CDC27: variants seen among roughly 807,000 people sequenced by gnomAD.
CDC27 encodes cell division cycle protein 27 homolog.
Under a neutral mutation model 109.7 loss-of-function variants are expected in CDC27, and 27 were observed. The ratio of observed to expected loss-of-function variants is 0.25; its 90% CI spans 0.18 to 0.34. The LOEUF (loss-of-function observed/expected upper bound fraction) is 0.34, where lower values mean the gene tolerates loss of function less well. Among genes scored for constraint, CDC27 ranks in the 10% least tolerant of loss-of-function variants. The pLI is 1.00. For missense variants in CDC27, 579 were observed against 960.2 expected (o/e 0.60, Z 5.25); for synonymous variants, 266 against 333.9 (o/e 0.80, Z 2.22).
chr17:47,133,052 C>CACACATACAT (rs1266681276), intron 14 of CDC27, among the ~76,000 whole-genome samples: 1 of 70,686 alleles, frequency 1.4e-5, no homozygotes, highest in Non-Finnish European at 2.7e-5. Flanking sequence ...CACACACACA[C>CACACATACAT]ACATACATAT....
intron 9 of CDC27, among the ~76,000 whole-genome samples, chr17:47,144,287 C>T (rs1284791459): frequency 6.6e-6 from 1 of 152,172 alleles, no homozygotes; most frequent in East Asian, 1.9e-4. Context: ...TAAAATGACT[C>T]GTTACTACAA....
chr17:47,143,433 C>T (rs1480772412), intron 10 of CDC27, among the ~76,000 whole-genome samples: 2 of 151,946 alleles, frequency 1.3e-5, no homozygotes, highest in African/African-American at 2.4e-5. Context: ...TATATAAACC[C>T]GTGTGTGTGT....
At chr17:47,186,659 A>T (rs1351441271) in intron 1 of CDC27, among the ~76,000 whole-genome samples, 4 of 152,222 alleles carry the variant, frequency 2.6e-5, no homozygotes, top group Non-Finnish European at 5.9e-5. Context: ...AAGGACTCAA[A>T]TATAAAGTAA....
At position 47,137,482 on chromosome 17, in the gene CDC27, G is replaced by T. The variant is rs560715539; in HGVS notation, c.1705-122C>A. 119 of 520,812 alleles carry T rather than the reference G, an allele frequency of 2.3e-4. No individual in the cohort carries two copies. The South Asian group carries it at 3.5e-3, about 16-fold the overall frequency. The allele number at this position is 520,812 out of a possible 1,614,324, so 32.3% of individuals were successfully genotyped here. A position where few individuals can be genotyped will look rare whatever the true frequency, so the allele number is the denominator to read the frequency against. On this transcript the variant is annotated intron_variant, in intron 13 of 18. Transcript: ENST00000066544. The stretch of plus-strand genomic sequence containing the variant: ...AGACAAAAATGGAGGAGCTTCAGTA[G>T]ATACTCAATTCTAATTATTCACAGA...
At chr17:47,137,897 C>T (rs554700021) in intron 13 of CDC27, among the ~76,000 whole-genome samples, 34 of 151,956 alleles carry the variant, frequency 2.2e-4, no homozygotes, top group African/African-American at 7.2e-4. Context: ...GCCACCTAGG[C>T]TCAAGTGATC....
Position 47,129,506 on chromosome 17 carries a change from T to C in CDC27, c.2047A>G (p.Lys683Glu). The change falls in exon 16 of 19, where the codon AAA becomes GAA. Residue 683 changes from lysine (K) to glutamate (E), a missense_variant. Physicochemically the swap from Lys to Glu is moderately conservative, Grantham distance 56 (BLOSUM62 1). Coordinates refer to ENST00000066544, the MANE Select transcript of CDC27 (RefSeq NM_001256.6). ...GTATCCAAAGCCTTCTCTGATTTTT[T>C]CAGTGCATGTTGAACCTGTAAGAAA... ...CHIGVVQHAL[K>E]KSEKALDTLN... is the part of the protein sequence containing the mutation. 6.2e-7 allele frequency: 1 copy of C among 1,605,698 alleles called. No homozygotes were observed. The highest frequency in any genetic ancestry group is 8.5e-7 in the Non-Finnish European group (1 of 1,174,828).
rs1166234035 is a variant in CDC27 at position 47,189,192 on chromosome 17, T to G, written c.-20A>C. 1 of 1,604,680 alleles carries G rather than the reference T, an allele frequency of 6.2e-7. No homozygotes were observed. On this transcript the variant is annotated 5_prime_UTR_variant, in exon 1 of 19. Transcript: ENST00000066544. Reference sequence around the variant, plus strand: ...CGTCATCCTCGAGGCTCAGGCCCACTTTCTGCAGTGCCTCAGGCCCCCCCT... The same window carrying G: ...CGTCATCCTCGAGGCTCAGGCCCACGTTCTGCAGTGCCTCAGGCCCCCCCT...
Position 47,154,698 on chromosome 17 carries a change from G to T in CDC27, c.931C>A (p.Pro311Thr), listed in dbSNP as rs1009015598. 1 of 1,599,830 alleles carries T rather than the reference G, an allele frequency of 6.3e-7. No homozygotes were observed. The highest frequency in any genetic ancestry group is 8.6e-7 in the Non-Finnish European group (1 of 1,169,326). The change falls in exon 8 of 19, where the codon CCA becomes ACA. Residue 311 changes from proline (P) to threonine (T), a missense_variant. Around this residue, in one of 9 missense-constraint regions of CDC27, gnomAD observed 74 missense variants for 148.9 expected, o/e 0.50. Coordinates refer to ENST00000066544, the MANE Select transcript of CDC27 (RefSeq NM_001256.6). ...TTTTTTGAAGGGGCTCCGGTGGATGGCACATCAATTACAGGAGGTGTATTA... is the reference window on the plus strand; with the variant it reads ...TTTTTTGAAGGGGCTCCGGTGGATGTCACATCAATTACAGGAGGTGTATTA... ...YTNTPPVIDVPSTGAPSKKSV... is the reference protein window; with the variant it reads ...YTNTPPVIDVTSTGAPSKKSV...
intron 9 of CDC27, among the ~76,000 whole-genome samples, chr17:47,145,947 G>C (rs2148879921): frequency 6.6e-6 from 1 of 151,646 alleles, no homozygotes; most frequent in East Asian, 1.9e-4. Flanking sequence ...CTTTGAGCCA[G>C]CAACACCAGC....
chr17:47,179,202 A>C (rs562283941), intron 2 of CDC27, among the ~76,000 whole-genome samples: 1 of 152,230 alleles, frequency 6.6e-6, no homozygotes, highest in African/African-American at 2.4e-5. Flanking sequence ...GACTTACAGA[A>C]GATCCTACTG....
Position 47,122,529 on chromosome 17 carries a change from T to C in CDC27, c.2307A>G (p.Lys769=). ...NFSWAMDLDP[K]GANNQIKEAI... ...CCTCTTTAATCTGGTTATTGGCTCC[T>C]TTAGGATCTAAATCCATAGCCCAAG... is the stretch of plus-strand genomic sequence containing the variant. The change falls in exon 18 of 19, where the codon AAA becomes AAG. Residue 769 remains lysine (K), a synonymous_variant. Coordinates refer to ENST00000066544, the MANE Select transcript of CDC27 (RefSeq NM_001256.6). The C allele has an allele frequency of 6.2e-7, 1 of 1,612,998 alleles. No homozygotes were observed. Among genetic ancestry groups the C allele is most frequent in the Non-Finnish European group, 8.5e-7 (1 of 1,179,344 alleles).
At chr17:47,163,774 C>G (rs1411933103) in intron 4 of CDC27, among the ~76,000 whole-genome samples, 1 of 152,014 alleles carries the variant, frequency 6.6e-6, no homozygotes. Flanking sequence ...GTTTCTTTTG[C>G]TTTTTTTGAG....
chr17:47,123,859 G>A (rs746498076), intron 17 of CDC27, 27 bp downstream of exon 17: 1 of 1,498,442 alleles, frequency 6.7e-7, no homozygotes, highest in South Asian at 1.2e-5. Context: ...GAAAGTCACT[G>A]TTTGGGACCA....
At chr17:47,188,801 C>T in intron 1 of CDC27, 1 of 1,195,226 alleles carries the variant, frequency 8.4e-7, no homozygotes, top group South Asian at 2.6e-5. Context: ...ATCTTTTAGG[C>T]AAGAGAGCGC....
In CDC27 at chr17:47,189,218, G is replaced by A. The variant is rs74720779; in HGVS notation, c.-46C>T. On this transcript the variant is annotated 5_prime_UTR_variant, in exon 1 of 19. Coordinates refer to ENST00000066544, the MANE Select transcript of CDC27 (RefSeq NM_001256.6). ...TTCTGCAGTGCCTCAGGCCCCCCCT[G>A]TAGCGGCTCCGGCCCGGCCAGCCCC... 1.9e-6 allele frequency: 3 copies of A among 1,541,858 alleles called. No individual in the cohort carries two copies. Among genetic ancestry groups the A allele is most frequent in the Non-Finnish European group, 2.7e-6 (3 of 1,114,502 alleles).
At chr17:47,123,765 A>C (rs1323698527) in intron 17 of CDC27, 121 bp downstream of exon 17, 3 of 586,138 alleles carry the variant, frequency 5.1e-6, no homozygotes, top group Non-Finnish European at 8.2e-6. Context: ...CAGAGCACTC[A>C]GTTCGGAGCT....
At position 47,118,345 on chromosome 17, in the gene CDC27, G is replaced by T. The variant is rs1165055841; in HGVS notation, c.*2590C>A. 2 of 152,588 alleles carry T rather than the reference G, an allele frequency of 1.3e-5. No homozygotes were observed. Among genetic ancestry groups the T allele is most frequent in the East Asian group, 3.9e-4 (2 of 5,186 alleles). The allele number at this position is 152,588 out of a possible 1,614,324, so 9.5% of individuals were successfully genotyped here. A position where few individuals can be genotyped will look rare whatever the true frequency, so the allele number is the denominator to read the frequency against. ...AAGTGATGAATACAGAAAATGTAGG[G>T]ACCACCTTTCATTCTTTTGAGTACC... On this transcript the variant is annotated 3_prime_UTR_variant, in exon 19 of 19. Coordinates refer to ENST00000066544, the MANE Select transcript of CDC27 (RefSeq NM_001256.6).
At chr17:47,185,898 C>T (rs138213658) in intron 1 of CDC27, among the ~76,000 whole-genome samples, 3 of 152,178 alleles carry the variant, frequency 2.0e-5, no homozygotes, top group African/African-American at 7.2e-5. Flanking sequence ...CCAATTAATG[C>T]CCCAACATTT....
intron 17 of CDC27, 121 bp downstream of exon 17, chr17:47,123,765 A>G (rs1323698527): frequency 1.7e-6 from 1 of 586,134 alleles, no homozygotes; most frequent in African/African-American, 1.9e-5. Context: ...CAGAGCACTC[A>G]GTTCGGAGCT....
Sources: gnomAD v4.1 joint callset for allele counts (sites outside exome capture counted in the v4.1 genomes callset) on GRCh38, gnomAD v4.1.1 for gene constraint, gnomAD v4.1.1 regional missense constraint, MANE v1.5 for transcripts, NCBI Gene and HGNC (gene_info 2026-07-23, HGNC 2026-07-21) for gene names.